The following GPNMB variants were observed in gnomAD, a reference collection of about 807,000 sequenced individuals.
The protein encoded by GPNMB is glycoprotein nmb, also known as transmembrane glycoprotein NMB.
GPNMB carries 71 observed loss-of-function variants against 57.3 expected under a neutral mutation model. The ratio of observed to expected loss-of-function variants is 1.24; its 90% CI spans 1.02 to 1.51. GPNMB has a LOEUF of 1.51. GPNMB is among the 40% of genes most tolerant of loss of function. The pLI is 0.00. For synonymous variants in GPNMB, 253 were observed against 263.2 expected, an observed-to-expected ratio of 0.96 and a Z score of 0.38; for missense variants, 677 against 691.9, an observed-to-expected ratio of 0.98 and a Z score of 0.24.
At chr7:23,248,236 C>G (rs79569119) in intron 1 of GPNMB, among the ~76,000 whole-genome samples, 4,355 of 152,272 alleles carry the variant, frequency 0.029, 187 homozygotes, top group African/African-American at 0.093. Flanking sequence ...CCTACGGAGG[C>G]AGACCTGCAC....
At chr7:23,258,860 C>T (rs1217025475) in intron 4 of GPNMB, among the ~76,000 whole-genome samples, 4 of 152,218 alleles carry the variant, frequency 2.6e-5, no homozygotes, top group African/African-American at 7.2e-5. Context: ...ACACGTTTGA[C>T]GGTGTGATAC....
intron 1 of GPNMB, among the ~76,000 whole-genome samples, chr7:23,249,903 T>G (rs1212285679): frequency 6.6e-6 from 1 of 152,236 alleles, no homozygotes; most frequent in Non-Finnish European, 1.5e-5. Context: ...CCATTTTACA[T>G]TTCCACTAGT....
At chr7:23,251,359 C>T (rs1209728740) in intron 1 of GPNMB, among the ~76,000 whole-genome samples, 3 of 152,228 alleles carry the variant, frequency 2.0e-5, no homozygotes, top group African/African-American at 7.2e-5. Flanking sequence ...CAGAGTTTCT[C>T]TCCTCCAAGA....
chr7:23,267,173 G>T (rs1417373325), intron 7 of GPNMB, among the ~76,000 whole-genome samples: 1 of 152,214 alleles, frequency 6.6e-6, no homozygotes, highest in African/African-American at 2.4e-5. Flanking sequence ...TGAGAAGCTG[G>T]CCAAGGCCTG....
intron 6 of GPNMB, among the ~76,000 whole-genome samples, chr7:23,261,903 G>C (rs996915102): frequency 1.3e-5 from 2 of 152,078 alleles, no homozygotes; most frequent in African/African-American, 4.8e-5. Flanking sequence ...TCCACTTTGG[G>C]TAGCACTGGC....
At chr7:23,272,427 C>G (rs547362418) in intron 9 of GPNMB, among the ~76,000 whole-genome samples, 3 of 151,838 alleles carry the variant, frequency 2.0e-5, no homozygotes, top group African/African-American at 7.3e-5. Context: ...CCCAGAAGTC[C>G]AGCCTGGGCA....
At chr7:23,249,373 C>G (rs772463025) in intron 1 of GPNMB, among the ~76,000 whole-genome samples, 4 of 152,210 alleles carry the variant, frequency 2.6e-5, no homozygotes, top group Non-Finnish European at 5.9e-5. Context: ...CAGATATTGA[C>G]ATTGATACAG....
At chr7:23,268,828 G>A (rs577872069) in intron 8 of GPNMB, among the ~76,000 whole-genome samples, 2 of 152,252 alleles carry the variant, frequency 1.3e-5, no homozygotes, top group East Asian at 1.9e-4. Flanking sequence ...CGAGAGGCCT[G>A]GCTGGTGAGA....
In GPNMB at chr7:23,248,569, C is replaced by A. The variant is rs541491392; in HGVS notation, c.70+1642C>A. The stretch of plus-strand genomic sequence containing the variant: ...TTTCCTACCATTTTCCATTCGTAGC[C>A]CTGAAGGAAGGAGAAAGTGTGGACA... On this transcript the variant is annotated intron_variant, in intron 1 of 10. Coordinates refer to ENST00000258733, the MANE Select transcript of GPNMB (RefSeq NM_002510.3). 1.6e-4 allele frequency among the ~76,000 whole-genome samples: 24 copies of A among 152,100 alleles called. No individual in the cohort carries two copies. The South Asian group carries it at 5.0e-3, about 32-fold the overall frequency.
chr7:23,246,939 T>G lies in GPNMB; in HGVS notation c.70+12T>G. ...TGATGCCGCCAAACGTGAGTAACCCTTAATTTCTATGTTTAACCCATTCTC... is the reference window on the plus strand; with the variant it reads ...TGATGCCGCCAAACGTGAGTAACCCGTAATTTCTATGTTTAACCCATTCTC... On this transcript the variant is annotated intron_variant, in intron 1 of 10. Transcript: ENST00000258733. 1 of 1,595,504 alleles carries G rather than the reference T, an allele frequency of 6.3e-7. No homozygotes were observed. The highest frequency in any genetic ancestry group is 8.6e-7 in the Non-Finnish European group (1 of 1,163,088).
At chr7:23,256,493 G>A (rs1040720424) in intron 3 of GPNMB, among the ~76,000 whole-genome samples, 14 of 152,064 alleles carry the variant, frequency 9.2e-5, no homozygotes, top group Admixed American at 3.9e-4. Context: ...CATGTGTGCC[G>A]GAGTCTTTAT....
chr7:23,267,842 C>G (rs1261853577), intron 7 of GPNMB, 44 bp from the exon 8 acceptor site: 1 of 1,249,282 alleles, frequency 8.0e-7, no homozygotes, highest in South Asian at 1.2e-5. Flanking sequence ...TGTTTGATTT[C>G]TGTTGTATTT....
In GPNMB at chr7:23,270,191, T is replaced by A. The variant is rs183425500; in HGVS notation, c.1429+16T>A. ...CCTGACAGAGGTGAGTTTTGTTTTATGGCCATATGAGCATTTCATACTGCA... is the reference window on the plus strand; with the variant it reads ...CCTGACAGAGGTGAGTTTTGTTTTAAGGCCATATGAGCATTTCATACTGCA... On this transcript the variant is annotated intron_variant, in intron 9 of 10. Transcript: ENST00000258733. 6.0e-4 allele frequency: 950 copies of A among 1,584,852 alleles called. No homozygotes were observed. Among genetic ancestry groups the A allele is most frequent in the Non-Finnish European group, 7.5e-4 (864 of 1,153,488 alleles).
rs1314318454 is a variant in GPNMB at position 23,260,044 on chromosome 7, A to G, written c.606A>G (p.Thr202=). The part of the protein sequence containing the change: ...VRVSVNTANV[T]LGPQLMEVTV... ...TTTCTGTGAACACAGCCAATGTGAC[A>G]CTTGGGCCTCAACTCATGGAAGTGA... Residue 202 remains threonine, a synonymous_variant, in exon 5 of 11, where the codon ACA becomes ACG. Transcript: ENST00000258733. 6.2e-7 allele frequency: 1 copy of G among 1,614,006 alleles called. No homozygotes were observed. Among genetic ancestry groups the G allele is most frequent in the Admixed American group, 1.7e-5 (1 of 60,022 alleles).
rs560426460 is a variant in GPNMB, at chr7:23,250,409, C to T, written c.71-2898C>T. Among the ~76,000 whole-genome samples the T allele has an allele frequency of 1.3e-4, 20 of 152,280 alleles. No individual in the cohort carries two copies. The South Asian group carries it at 3.5e-3, about 27-fold the overall frequency. On this transcript the variant is annotated intron_variant, in intron 1 of 10. Coordinates refer to ENST00000258733, the MANE Select transcript of GPNMB (RefSeq NM_002510.3). The stretch of plus-strand genomic sequence containing the variant: ...CACCATATGTTGAAAAGGCTATCTT[C>T]CCTCCATTGGCTTGTTTTTGCATCT...
intron 1 of GPNMB, among the ~76,000 whole-genome samples, chr7:23,247,557 CT>C (rs566235974): frequency 6.6e-6 from 1 of 152,260 alleles, no homozygotes; most frequent in Non-Finnish European, 1.5e-5. Context: ...CTCTTGGGAT[CT>C]GCCTATGCAG....
chr7:23,265,709 A>G (rs1425815960), intron 6 of GPNMB, among the ~76,000 whole-genome samples: 3 of 151,780 alleles, frequency 2.0e-5, no homozygotes, highest in Admixed American at 6.6e-5. Context: ...GGTTTTATAT[A>G]CTTTATCTCA....
intron 6 of GPNMB, among the ~76,000 whole-genome samples, chr7:23,262,665 C>A (rs534355817): frequency 1.7e-5 from 2 of 119,572 alleles, no homozygotes; most frequent in African/African-American, 6.3e-5. Context: ...AACACCCAGG[C>A]TGGAGTGCAG....
rs750383396 is a variant in GPNMB at position 23,267,930 on chromosome 7, A to C, written c.1162A>C (p.Met388Leu). ...CATCATCCAGATGACAGACGTCCTG[A>C]TGCCGGTGCCATGGCCTGAAAGCTC... ...VNIIQMTDVL[M>L]PVPWPESSLI... is the part of the protein sequence containing the mutation. Residue 388 changes from methionine to leucine, a missense_variant, in exon 8 of 11, where the codon ATG becomes CTG. Transcript: ENST00000258733. 6.2e-7 allele frequency: 1 copy of C among 1,613,928 alleles called. No individual in the cohort carries two copies. The highest frequency in any genetic ancestry group is 8.5e-7 in the Non-Finnish European group (1 of 1,179,796).
Sources: gnomAD v4.1 joint callset for allele counts (sites outside exome capture counted in the v4.1 genomes callset) on GRCh38, gnomAD v4.1.1 for gene constraint, MANE v1.5 for transcripts, NCBI Gene and HGNC (gene_info 2026-07-23, HGNC 2026-07-21) for gene names.